CBLC: variants seen among roughly 807,000 people sequenced by gnomAD.
CBLC encodes the protein E3 ubiquitin-protein ligase CBL-C.
In CBLC, 46 loss-of-function variants were observed where a neutral mutation model predicts 58.6. That is an observed-to-expected ratio of 0.79 (90% confidence interval 0.62 to 1.00). CBLC has a LOEUF of 1.00. Ranked by LOEUF, CBLC falls within the 50% of genes least tolerant of loss-of-function variation. The probability of loss-of-function intolerance (pLI) is 0.00; values close to 1 mark genes in which losing one functional copy is unlikely to be tolerated. For synonymous variants in CBLC, 271 were observed against 264.2 expected, an observed-to-expected ratio of 1.03 and a Z score of -0.25; for missense variants, 655 against 625.8, an observed-to-expected ratio of 1.05 and a Z score of -0.50.
intron 9 of CBLC, among the ~76,000 whole-genome samples, chr19:44,800,172 C>T (rs566437442): frequency 9.2e-5 from 14 of 152,278 alleles, no homozygotes; most frequent in African/African-American, 3.1e-4. Flanking sequence ...TCATCTCCTC[C>T]CCCCAGGCAC....
At position 44,793,523 on chromosome 19, in the gene CBLC, G is replaced by A. The variant is rs1968106658; in HGVS notation, c.1187G>A (p.Trp396Ter). The change falls in exon 8 of 11, where the codon TGG becomes TAG. Residue 396 changes from tryptophan (W) to a stop codon, truncating the protein, a stop_gained. Coordinates refer to ENST00000647358, the MANE Select transcript of CBLC (RefSeq NM_012116.4). LOFTEE classifies it high-confidence loss of function. ...CPFCRCEIKG[W>*]EAVSIYQFHG... ...TTCTGCCGCTGCGAGATCAAGGGCT[G>A]GGAGGCCGTGAGTATCTACCAGTTC... is the stretch of plus-strand genomic sequence containing the variant. 6.2e-7 allele frequency: 1 copy of A among 1,613,114 alleles called. No individual in the cohort carries two copies. The highest frequency in any genetic ancestry group is 1.3e-5 in the African/African-American group (1 of 75,042).
At position 44,782,425 on chromosome 19, in the gene CBLC, A is replaced by T; in HGVS notation, c.713A>T (p.Tyr238Phe). ...CTCCTGGCAGTCAACCACCCAGGCT[A>T]CATGGCCTTCCTCACCTATGATGAG... ...WQLLAVNHPG[Y>F]MAFLTYDEVQ... The change falls in exon 4 of 11, where the codon TAC becomes TTC. Residue 238 changes from tyrosine to phenylalanine, a missense_variant. By Grantham distance (22) the Tyr-to-Phe change is conservative (BLOSUM62 3). Transcript: ENST00000647358. 4 of 1,613,864 alleles carry T rather than the reference A, an allele frequency of 2.5e-6. No homozygotes were observed. Among genetic ancestry groups the T allele is most frequent in the Non-Finnish European group, 3.4e-6 (4 of 1,179,858 alleles).
intron 5 of CBLC, among the ~76,000 whole-genome samples, chr19:44,785,953 A>C (rs1033224703): frequency 2.0e-4 from 30 of 151,754 alleles, no homozygotes; most frequent in Non-Finnish European, 2.9e-5. Flanking sequence ...AAAACAAAAA[A>C]ATTTTATTGT....
chr19:44,797,135 C>G (rs1968195404), intron 9 of CBLC, among the ~76,000 whole-genome samples: 1 of 152,144 alleles, frequency 6.6e-6, no homozygotes, highest in Non-Finnish European at 1.5e-5. Context: ...CTCCCCAAAC[C>G]CTGCCTGATT....
At chr19:44,791,027 G>A (rs924725709) in intron 6 of CBLC, among the ~76,000 whole-genome samples, 5 of 151,840 alleles carry the variant, frequency 3.3e-5, no homozygotes, top group African/African-American at 7.3e-5. Flanking sequence ...GCTGAGGCAC[G>A]AGAATCACTT....
At chr19:44,791,853 G>A (rs1968059447) in intron 6 of CBLC, among the ~76,000 whole-genome samples, 3 of 151,768 alleles carry the variant, frequency 2.0e-5, no homozygotes. Flanking sequence ...TTTTTAAATA[G>A]AGACGGGGTC....
chr19:44,780,663 G>C (rs911358565), intron 1 of CBLC, among the ~76,000 whole-genome samples: 1 of 150,716 alleles, frequency 6.6e-6, no homozygotes, highest in African/African-American at 2.4e-5. Context: ...AGTACAGACA[G>C]GGTTTCACCA....
rs1174706035 is a variant in CBLC at position 44,778,266 on chromosome 19, G to C, written c.335G>C (p.Arg112Pro). The C allele has an allele frequency of 4.2e-6, 6 of 1,442,292 alleles. No individual in the cohort carries two copies. The highest frequency in any genetic ancestry group is 2.6e-5 in the East Asian group (1 of 38,474). The allele number at this position is 1,442,292 out of a possible 1,614,324, so 89.3% of individuals were successfully genotyped here. Reference protein sequence around the residue: ...GRRSANDELFRAGSRLRRQLA... With the variant: ...GRRSANDELFPAGSRLRRQLA... ...AGGAGTGCCAACGACGAGCTCTTCCGGGCGGGCTCCAGACTCAGGTGAGCC... is the reference window on the plus strand; with the variant it reads ...AGGAGTGCCAACGACGAGCTCTTCCCGGCGGGCTCCAGACTCAGGTGAGCC... Residue 112 changes from arginine (R) to proline (P), a missense_variant, in exon 1 of 11, where the codon CGG (arginine) becomes CCG (proline). By Grantham distance (103) the Arg-to-Pro change is moderately radical. Transcript: ENST00000647358.
intron 4 of CBLC, among the ~76,000 whole-genome samples, chr19:44,783,057 G>T (rs1967792147): frequency 6.6e-6 from 1 of 152,118 alleles, no homozygotes; most frequent in African/African-American, 2.4e-5. Context: ...AAAGAAAAAG[G>T]AAAGAATAAA....
chr19:44,789,158 T>C (rs1386634966), intron 5 of CBLC, among the ~76,000 whole-genome samples: 3 of 152,132 alleles, frequency 2.0e-5, no homozygotes, highest in Admixed American at 6.6e-5. Context: ...TGCTGAGATC[T>C]CGCCTACAAC....
At chr19:44,789,914 TG>T in intron 5 of CBLC, 89 bp from the exon 6 acceptor site, 1 of 845,750 alleles carries the variant, frequency 1.2e-6, no homozygotes, top group Non-Finnish European at 2.0e-6. Context: ...CAGGGAAATA[TG>T]GGGCCCTGTA....
chr19:44,781,506 T>C (rs1454615345), intron 3 of CBLC, 143 bp downstream of exon 3: 3 of 756,496 alleles, frequency 4.0e-6, no homozygotes, highest in Non-Finnish European at 6.0e-6. Flanking sequence ...CCTGGACTCC[T>C]GGGTCTGAGG....
At position 44,781,370 on chromosome 19, in the gene CBLC, G is replaced by A. The variant is rs80168591; in HGVS notation, c.657+7G>A. ...CTTCACCAGGCTCTTTCAGGTCAGGGAAGGCCAAGGCTGGGAGCTAGACTT... is the reference window on the plus strand; with the variant it reads ...CTTCACCAGGCTCTTTCAGGTCAGGAAAGGCCAAGGCTGGGAGCTAGACTT... On this transcript the variant is annotated splice_region_variant and intron_variant, in intron 3 of 10. Transcript: ENST00000647358. 18,189 of 1,606,376 alleles carry A rather than the reference G, an allele frequency of 0.011. 128 individuals are homozygous for A. The highest frequency in any genetic ancestry group is 0.014 in the Non-Finnish European group (16,024 of 1,179,260).
At chr19:44,785,970 G>A (rs1022527834) in intron 5 of CBLC, among the ~76,000 whole-genome samples, 1 of 151,846 alleles carries the variant, frequency 6.6e-6, no homozygotes, top group African/African-American at 2.4e-5. Flanking sequence ...TTGTATATTT[G>A]GTAGAGATGG....
At chr19:44,799,694 A>AAGAG (rs755886107) in intron 9 of CBLC, among the ~76,000 whole-genome samples, 1 of 146,092 alleles carries the variant, frequency 6.8e-6, no homozygotes, top group Non-Finnish European at 1.5e-5. Context: ...AAAGTAAAGA[A>AAGAG]AGAGAGAGAG....
In CBLC at chr19:44,777,904, G is replaced by C. The variant is rs1057366149; in HGVS notation, c.-28G>C. ...AGGCCGCCCCTATCCCAGCCGCACC[G>C]GTCCTTCCCGGCACACGCGAGGCTC... On this transcript the variant is annotated 5_prime_UTR_variant, in exon 1 of 11. Transcript: ENST00000647358. 9.2e-6 allele frequency: 14 copies of C among 1,514,478 alleles called. 1 individual carries two copies. The East Asian group carries it at 2.5e-4, about 27-fold the overall frequency. The allele number at this position is 1,514,478 out of a possible 1,614,324, so 93.8% of individuals were successfully genotyped here. A position where few individuals can be genotyped will look rare whatever the true frequency, so the allele number is the denominator to read the frequency against.
At chr19:44,796,913 G>A (rs556931807) in intron 9 of CBLC, among the ~76,000 whole-genome samples, 5 of 128,456 alleles carry the variant, frequency 3.9e-5, no homozygotes, top group African/African-American at 1.5e-4. Context: ...CGGGGCGGTG[G>A]GGGGGAGGGT....
chr19:44,790,682 C>T (rs538594168), intron 6 of CBLC, among the ~76,000 whole-genome samples: 6 of 152,224 alleles, frequency 3.9e-5, no homozygotes, highest in Non-Finnish European at 7.4e-5. Flanking sequence ...GCAATCCTCC[C>T]GCCTCCACCT....
intron 5 of CBLC, among the ~76,000 whole-genome samples, chr19:44,786,388 G>C (rs951985397): frequency 6.6e-6 from 1 of 151,326 alleles, no homozygotes; most frequent in Non-Finnish European, 1.5e-5. Flanking sequence ...TCAGGAGATC[G>C]AGACCATCCT....
Sources: gnomAD v4.1 joint callset for allele counts (sites outside exome capture counted in the v4.1 genomes callset) on GRCh38, gnomAD v4.1.1 for gene constraint, MANE v1.5 for transcripts, NCBI Gene and HGNC (gene_info 2026-07-23, HGNC 2026-07-21) for gene names.